NUBPL: variants seen among roughly 807,000 people sequenced by gnomAD.
The protein encoded by NUBPL is iron-sulfur cluster transfer protein NUBPL.
A neutral mutation model predicts 45.7 loss-of-function variants in NUBPL; 31 were observed. The observed-to-expected ratio is 0.68, with a 90% CI of 0.51 to 0.92. NUBPL has a LOEUF of 0.92. Ranked by LOEUF, NUBPL falls within the 40% of genes least tolerant of loss-of-function variation. The pLI is 0.00. For missense variants in NUBPL, 401 were observed against 398.7 expected (o/e 1.01, Z -0.05); for synonymous variants, 144 against 140.9 (o/e 1.02, Z -0.15).
At chr14:31,719,060 G>A (rs141202953) in intron 6 of NUBPL, among the ~76,000 whole-genome samples, 4 of 152,190 alleles carry the variant, frequency 2.6e-5, no homozygotes, top group Admixed American at 2.0e-4. Flanking sequence ...CACATTAAAC[G>A]TGGTCTGAAC....
chr14:31,594,932 G>A (rs145972962), intron 3 of NUBPL, among the ~76,000 whole-genome samples: 224 of 152,194 alleles, frequency 1.5e-3, no homozygotes, highest in Middle Eastern at 3.4e-3. Context: ...CTTTTAGGTA[G>A]GTCTTATTTA....
At chr14:31,793,622 T>C (rs1400226854) in intron 7 of NUBPL, among the ~76,000 whole-genome samples, 1 of 152,138 alleles carries the variant, frequency 6.6e-6, no homozygotes, top group Non-Finnish European at 1.5e-5. Flanking sequence ...GTTGAATCAA[T>C]GAATGAGTGT....
At chr14:31,623,224 C>A (rs2035113974) in intron 4 of NUBPL, among the ~76,000 whole-genome samples, 1 of 152,202 alleles carries the variant, frequency 6.6e-6, no homozygotes, top group Non-Finnish European at 1.5e-5. Context: ...AGAATGGGAT[C>A]ATTTATGCAA....
At chr14:31,764,137 C>G (rs888535886) in intron 6 of NUBPL, among the ~76,000 whole-genome samples, 2 of 152,160 alleles carry the variant, frequency 1.3e-5, no homozygotes, top group Admixed American at 1.3e-4. Context: ...ACACCTCAAA[C>G]TCTGGCCTGC....
intron 10 of NUBPL, among the ~76,000 whole-genome samples, chr14:31,851,136 C>T (rs1443316993): frequency 6.6e-6 from 1 of 151,782 alleles, no homozygotes; most frequent in African/African-American, 2.4e-5. Flanking sequence ...TCCTAAATAA[C>T]ACTTGCTATT....
intron 3 of NUBPL, among the ~76,000 whole-genome samples, chr14:31,578,966 C>T (rs8009531): frequency 0.31 from 47,161 of 152,112 alleles, 7,848 homozygotes; most frequent in South Asian, 0.4. Context: ...AGATTACTGC[C>T]TGTGGCTCTT....
At chr14:31,679,888 T>G (rs1401623606) in intron 6 of NUBPL, among the ~76,000 whole-genome samples, 7 of 152,170 alleles carry the variant, frequency 4.6e-5, no homozygotes, top group African/African-American at 1.7e-4. Context: ...TTTCCTACAT[T>G]TTGTTAGAGA....
At chr14:31,626,788 C>T (rs904679847) in intron 4 of NUBPL, among the ~76,000 whole-genome samples, 12 of 152,064 alleles carry the variant, frequency 7.9e-5, no homozygotes, top group Non-Finnish European at 1.3e-4. Flanking sequence ...AATGGAAAGT[C>T]CTTTGGAGAG....
intron 8 of NUBPL, among the ~76,000 whole-genome samples, chr14:31,840,156 A>G (rs1335230843): frequency 6.6e-6 from 1 of 152,214 alleles, no homozygotes; most frequent in Non-Finnish European, 1.5e-5. Flanking sequence ...CTGCACTCAC[A>G]TGTTTACTGC....
intron 7 of NUBPL, among the ~76,000 whole-genome samples, chr14:31,822,718 C>CA (rs569369611): frequency 0.011 from 1,599 of 151,720 alleles, 24 homozygotes; most frequent in African/African-American, 0.037. Flanking sequence ...AATTTTACAC[C>CA]AAAAAAAACT....
At chr14:31,608,813 C>A (rs990601843) in intron 4 of NUBPL, among the ~76,000 whole-genome samples, 1 of 152,068 alleles carries the variant, frequency 6.6e-6, no homozygotes, top group Non-Finnish European at 1.5e-5. Context: ...GCTGTGTGGC[C>A]CAGTTTCTAA....
chr14:31,584,738 G>C (rs538050087), intron 3 of NUBPL, among the ~76,000 whole-genome samples: 1 of 152,320 alleles, frequency 6.6e-6, no homozygotes, highest in East Asian at 1.9e-4. Context: ...ACTGTAGACT[G>C]TGTGGCTTAA....
intron 10 of NUBPL, among the ~76,000 whole-genome samples, chr14:31,855,225 A>G (rs2040597939): frequency 6.6e-6 from 1 of 152,250 alleles, no homozygotes; most frequent in African/African-American, 2.4e-5. Flanking sequence ...AGGTATTTAT[A>G]AAGATGTATG....
chr14:31,562,145 G>T lies in NUBPL; in HGVS notation c.186G>T (p.Pro62=), dbSNP rs1595277445. The T allele has an allele frequency of 5.6e-6, 9 of 1,613,990 alleles. No individual in the cohort carries two copies. The highest frequency in any genetic ancestry group is 7.6e-6 in the Non-Finnish European group (9 of 1,179,876). The part of the protein sequence containing the change: ...IMSRGLPKQK[P]IEGVKQVIVV... ...CCCGAGGACTTCCAAAGCAGAAACC[G>T]ATAGAAGGTGTTAAACAAGTTATAG... The change falls in exon 2 of 11, where the codon CCG becomes CCT. Residue 62 remains proline, a synonymous_variant. Coordinates refer to ENST00000281081, the MANE Select transcript of NUBPL (RefSeq NM_025152.3).
At chr14:31,632,778 T>C (rs2035378622) in intron 4 of NUBPL, among the ~76,000 whole-genome samples, 1 of 152,204 alleles carries the variant, frequency 6.6e-6, no homozygotes, top group African/African-American at 2.4e-5. Context: ...AGTTTGCCCA[T>C]TGTAGTAATA....
At chr14:31,733,456 C>T (rs1347742417) in intron 6 of NUBPL, among the ~76,000 whole-genome samples, 2 of 152,072 alleles carry the variant, frequency 1.3e-5, no homozygotes, top group African/African-American at 4.8e-5. Context: ...AGTGTCGAGT[C>T]TTCTGATCCA....
In NUBPL at chr14:31,834,939, A is replaced by G. The variant is rs748078451; in HGVS notation, c.693+8225A>G. 1.6e-4 allele frequency among the ~76,000 whole-genome samples: 25 copies of G among 152,204 alleles called. 1 individual carries two copies. Among genetic ancestry groups the G allele is most frequent in the Non-Finnish European group, 2.4e-4 (16 of 68,038 alleles). On this transcript the variant is annotated intron_variant, in intron 8 of 10. Coordinates refer to ENST00000281081, the MANE Select transcript of NUBPL (RefSeq NM_025152.3). ...TTTAGTACTGTGGACATCATGGACT[A>G]TCACAGGGTGACAGAATCTAGGGTA...
At chr14:31,756,175 T>C (rs150110486) in intron 6 of NUBPL, among the ~76,000 whole-genome samples, 8,850 of 152,026 alleles carry the variant, frequency 0.058, 311 homozygotes, top group Admixed American at 0.074. Context: ...ATTGACTTGG[T>C]GATGCGGGCT....
intron 7 of NUBPL, among the ~76,000 whole-genome samples, chr14:31,809,858 C>G (rs1337279796): frequency 6.6e-6 from 1 of 152,104 alleles, no homozygotes; most frequent in East Asian, 1.9e-4. Context: ...TTATTTCTGC[C>G]TTCATTTCGT....
Sources: allele counts gnomAD v4.1 joint callset (sites outside exome capture counted in the v4.1 genomes callset), GRCh38; gene constraint gnomAD v4.1.1; transcripts MANE v1.5; gene names NCBI Gene and HGNC (gene_info 2026-07-23, HGNC 2026-07-21).